Variants in WSB2 observed in about 807,000 individuals in gnomAD.
WSB2 encodes the protein WD repeat and SOCS box-containing protein 2.
WSB2 carries 12 observed loss-of-function variants against 48.8 expected under a neutral mutation model. The ratio of observed to expected loss-of-function variants is 0.25; its 90% CI spans 0.16 to 0.40. The LOEUF (loss-of-function observed/expected upper bound fraction) is 0.40, where lower values mean the gene tolerates loss of function less well. Among genes scored for constraint, WSB2 ranks in the 10% least tolerant of loss-of-function variants. The pLI, the probability that WSB2 is intolerant of heterozygous loss-of-function variation, is 1.00. For synonymous variants in WSB2, 191 were observed against 203.1 expected (o/e 0.94, Z 0.51); for missense variants, 317 against 506.2 (o/e 0.63, Z 3.59).
intron 4 of WSB2, among the ~76,000 whole-genome samples, chr12:118,041,396 C>T (rs1385122005): frequency 3.3e-5 from 5 of 152,336 alleles, no homozygotes; most frequent in South Asian, 2.1e-4. Context: ...ACTTCGCTCA[C>T]GGACTCCCCA....
intron 4 of WSB2, 99 bp from the exon 5 acceptor site, chr12:118,038,487 A>C (rs2031561829): frequency 1.9e-6 from 2 of 1,080,304 alleles, no homozygotes; most frequent in Non-Finnish European, 2.7e-6. Context: ...AGCCCAGTAT[A>C]CCCATCAGCT....
At chr12:118,040,201 C>T (rs955484956) in intron 4 of WSB2, among the ~76,000 whole-genome samples, 1 of 151,996 alleles carries the variant, frequency 6.6e-6, no homozygotes, top group Non-Finnish European at 1.5e-5. Context: ...ATGGTTTCTT[C>T]AGCTGTCAAA....
upstream of WSB2, among the ~76,000 whole-genome samples, chr12:118,061,745 G>A (rs1228217424): frequency 1.4e-5 from 2 of 143,362 alleles, no homozygotes; most frequent in African/African-American, 5.2e-5. Context: ...GGAGCCATGC[G>A]AAGGCCGATG....
In WSB2 at chr12:118,040,228, G is replaced by A. The variant is rs964597941; in HGVS notation, c.560-1840C>T. Among the ~76,000 whole-genome samples the A allele has an allele frequency of 5.3e-5, 8 of 152,080 alleles. No homozygotes were observed. In the South Asian group the frequency reaches 1.7e-3, roughly 31 times the overall value. ...GCTGTCAAATCTCAGGGTGCTGGGA[G>A]TACTGAATAAATTAAGGCATGTTAG... is the stretch of plus-strand genomic sequence containing the variant. On this transcript the variant is annotated intron_variant, in intron 4 of 8. Transcript: ENST00000315436.
At chr12:118,048,042 T>G (rs1439025683) in intron 2 of WSB2, among the ~76,000 whole-genome samples, 1 of 152,112 alleles carries the variant, frequency 6.6e-6, no homozygotes, top group Non-Finnish European at 1.5e-5. Flanking sequence ...TCCTCCCATC[T>G]CAGCCTCCTG....
chr12:118,061,689 A>G (rs60550237), upstream of WSB2, among the ~76,000 whole-genome samples: 36,969 of 144,354 alleles, frequency 0.26, 5,213 homozygotes, highest in African/African-American at 0.37. Context: ...GGGTAAGGGG[A>G]ACCAAAGGGG....
At chr12:118,043,979 C>T (rs1212860196) in intron 2 of WSB2, among the ~76,000 whole-genome samples, 4 of 151,568 alleles carry the variant, frequency 2.6e-5, no homozygotes, top group Admixed American at 1.3e-4. Flanking sequence ...ATTCGCCGGG[C>T]GTAGTGGCGG....
chr12:118,047,188 C>T (rs1010027542), intron 2 of WSB2, among the ~76,000 whole-genome samples: 1 of 152,126 alleles, frequency 6.6e-6, no homozygotes, highest in Non-Finnish European at 1.5e-5. Context: ...GAAAGAGATA[C>T]TAAAATCTCC....
At chr12:118,049,730 G>A (rs2031811912) in intron 2 of WSB2, among the ~76,000 whole-genome samples, 1 of 152,002 alleles carries the variant, frequency 6.6e-6, no homozygotes, top group African/African-American at 2.4e-5. Flanking sequence ...GGTCCTTGAT[G>A]CATTTTGCCA....
rs371896890 is a variant in WSB2, at chr12:118,051,087, G to A, written c.182+1223C>T. On this transcript the variant is annotated intron_variant, in intron 2 of 8. Transcript: ENST00000315436. Reference sequence around the variant, plus strand: ...AAAAAAAAAGAAAGAAAGAAAAGACGCTTGACATCCATAGCCATCAAGGAA... The same window carrying A: ...AAAAAAAAAGAAAGAAAGAAAAGACACTTGACATCCATAGCCATCAAGGAA... 2.0e-5 allele frequency among the ~76,000 whole-genome samples: 3 copies of A among 151,774 alleles called. No homozygotes were observed. The South Asian group carries it at 6.2e-4, about 32-fold the overall frequency.
intron 2 of WSB2, among the ~76,000 whole-genome samples, chr12:118,050,756 C>T (rs969094514): frequency 2.0e-5 from 3 of 151,996 alleles, no homozygotes; most frequent in Non-Finnish European, 2.9e-5. Flanking sequence ...CAGTAAGCAC[C>T]TGAAAAGATG....
chr12:118,050,732 C>T (rs1006471768), intron 2 of WSB2, among the ~76,000 whole-genome samples: 1 of 151,994 alleles, frequency 6.6e-6, no homozygotes. Flanking sequence ...ATCCAAAGAA[C>T]GTATACAAAG....
intron 2 of WSB2, among the ~76,000 whole-genome samples, chr12:118,044,410 G>A (rs1392533080): frequency 6.6e-6 from 1 of 152,174 alleles, no homozygotes; most frequent in African/African-American, 2.4e-5. Context: ...CACTAGCTTA[G>A]AAATCCCCAA....
At chr12:118,052,528 C>T (rs775361203) in intron 1 of WSB2, 50 bp from the exon 2 acceptor site, 2 of 1,607,542 alleles carry the variant, frequency 1.2e-6, no homozygotes, top group East Asian at 2.2e-5. Context: ...TGCTCCCTGA[C>T]CACCCAGACA....
At chr12:118,039,138 C>T (rs1402432056) in intron 4 of WSB2, among the ~76,000 whole-genome samples, 3 of 152,076 alleles carry the variant, frequency 2.0e-5, no homozygotes, top group African/African-American at 7.2e-5. Flanking sequence ...AGACTGTCAC[C>T]CTCCCAGCCT....
rs1480545636 is a variant in WSB2, at chr12:118,043,299, C to T, written c.261G>A (p.Thr87=). The T allele has an allele frequency of 2.7e-5, 44 of 1,613,410 alleles. No individual in the cohort carries two copies. In the Admixed American group the frequency reaches 6.0e-4, roughly 22 times the overall value. ...TKGRGSPKEK[T]LDCGQIVWGL... ...CCCAGACAATCTGACCACAGTCCAG[C>T]GTCTTCTCTTTTGGGCTGCCCCGCC... Residue 87 remains threonine, a synonymous_variant, in exon 3 of 9, where the codon ACG becomes ACA. Coordinates refer to ENST00000315436, the MANE Select transcript of WSB2 (RefSeq NM_018639.5).
intron 1 of WSB2, among the ~76,000 whole-genome samples, chr12:118,056,598 AC>A (rs1319741561): frequency 6.6e-6 from 1 of 152,090 alleles, no homozygotes; most frequent in Non-Finnish European, 1.5e-5. Flanking sequence ...AACTCTTTAA[AC>A]AAAAAAGTAA....
intron 2 of WSB2, among the ~76,000 whole-genome samples, chr12:118,047,608 G>A (rs2031770107): frequency 6.6e-6 from 1 of 152,162 alleles, no homozygotes; most frequent in Non-Finnish European, 1.5e-5. Flanking sequence ...ACGCCTTTAG[G>A]AAGCTGAGGT....
intron 5 of WSB2, among the ~76,000 whole-genome samples, chr12:118,037,469 C>T (rs1421438113): frequency 1.3e-5 from 2 of 152,084 alleles, no homozygotes; most frequent in Non-Finnish European, 2.9e-5. Flanking sequence ...GAGTTCAAGA[C>T]CAGCCTGGCT....
Sources: allele counts gnomAD v4.1 joint callset (sites outside exome capture counted in the v4.1 genomes callset), GRCh38; gene constraint gnomAD v4.1.1; transcripts MANE v1.5; gene names NCBI Gene and HGNC (gene_info 2026-07-23, HGNC 2026-07-21).